LANCL1: variants seen among roughly 807,000 people sequenced by gnomAD.
LANCL1 encodes LanC like glutathione S-transferase 1, also known as glutathione S-transferase LANCL1.
Under a neutral mutation model 50.6 loss-of-function variants are expected in LANCL1, and 50 were observed. The observed-to-expected ratio is 0.99, with a 90% CI of 0.79 to 1.25. The LOEUF is 1.25. LANCL1 is among the 50% of genes most tolerant of loss of function. LANCL1 has a pLI of 0.00. For missense variants in LANCL1, 532 were observed against 480.7 expected (o/e 1.11, Z -1.00); for synonymous variants, 188 against 178.6 (o/e 1.05, Z -0.42).
chr2:210,437,682 C>A lies in LANCL1; in HGVS notation c.873+8G>T, dbSNP rs1420747124. 6.6e-7 allele frequency: 1 copy of A among 1,509,322 alleles called. No homozygotes were observed. Among genetic ancestry groups the A allele is most frequent in the South Asian group, 1.4e-5 (1 of 72,032 alleles). The allele number at this position is 1,509,322 out of a possible 1,614,324, so 93.5% of individuals were successfully genotyped here. ...TAAAAAAATTTATTTCAAAAATACA[C>A]ACAGTACCTTATAGGCCTGGATGAG... On this transcript the variant is annotated splice_region_variant and intron_variant, in intron 7 of 9. Transcript: ENST00000450366.
rs1693376586 is a variant in LANCL1, at chr2:210,447,390, A to T, written c.408-5947T>A. 2.0e-5 allele frequency among the ~76,000 whole-genome samples: 3 copies of T among 152,342 alleles called. No homozygotes were observed. In the South Asian group the frequency reaches 6.2e-4, roughly 32 times the overall value. On this transcript the variant is annotated intron_variant, in intron 4 of 9. Coordinates refer to ENST00000450366, the MANE Select transcript of LANCL1 (RefSeq NM_006055.3). ...TGGAAAGGAACAACTGGTACCAGCTACTGCAAAAACATACCAAATTGTAAA... is the reference window on the plus strand; with the variant it reads ...TGGAAAGGAACAACTGGTACCAGCTTCTGCAAAAACATACCAAATTGTAAA...
chr2:210,455,100 T>C lies in LANCL1; in HGVS notation c.407+7A>G, dbSNP rs2287432. ...AGAAAATAATCCTCATATAGAAACA[T>C]GATTACCGTGTGATGCAATCTTCTG... On this transcript the variant is annotated splice_region_variant and intron_variant, in intron 4 of 9. Coordinates refer to ENST00000450366, the MANE Select transcript of LANCL1 (RefSeq NM_006055.3). 0.59 allele frequency: 946,469 copies of C among 1,605,522 alleles called. 283,645 individuals are homozygous for C. The highest frequency in any genetic ancestry group is 0.82 in the East Asian group (36,725 of 44,822).
At chr2:210,451,067 A>G (rs1472243434) in intron 4 of LANCL1, among the ~76,000 whole-genome samples, 1 of 152,226 alleles carries the variant, frequency 6.6e-6, no homozygotes, top group Non-Finnish European at 1.5e-5. Flanking sequence ...TAGCAAAGAC[A>G]TGGAACCAAC....
chr2:210,473,202 C>T (rs1694271032), intron 2 of LANCL1, among the ~76,000 whole-genome samples: 1 of 152,020 alleles, frequency 6.6e-6, no homozygotes, highest in Non-Finnish European at 1.5e-5. Flanking sequence ...ATGGAGAAAC[C>T]CCATCTCTAC....
intron 3 of LANCL1, among the ~76,000 whole-genome samples, chr2:210,459,341 C>CTAGAAGAAAACA (rs1327336182): frequency 6.6e-6 from 1 of 151,562 alleles, no homozygotes; most frequent in Non-Finnish European, 1.5e-5. Flanking sequence ...TGTAAAACAA[C>CTAGAAGAAAACA]TAGAAGAAAA....
intron 5 of LANCL1, 77 bp from the exon 6 acceptor site, chr2:210,440,821 T>C: frequency 1.5e-6 from 2 of 1,339,708 alleles, no homozygotes; most frequent in South Asian, 2.8e-5. Flanking sequence ...ACTTTTTTGC[T>C]AAGAGGTACT....
Position 210,436,314 on chromosome 2 carries a change from C to T in LANCL1, c.952G>A (p.Gly318Arg). 1 of 1,614,050 alleles carries T rather than the reference C, an allele frequency of 6.2e-7. No individual in the cohort carries two copies. Reference sequence around the variant, plus strand: ...GCAGAACCGTGGCACAGCCCATATCCCTTCTTCAGCAACCCATATTGCCAG... The same window carrying T: ...GCAGAACCGTGGCACAGCCCATATCTCTTCTTCAGCAACCCATATTGCCAG... ...VIWQYGLLKK[G>R]YGLCHGSAGN... The change falls in exon 8 of 10, where the codon GGA becomes AGA. Residue 318 changes from glycine to arginine, a missense_variant. Transcript: ENST00000450366.
chr2:210,451,906 T>C (rs1693523138), intron 4 of LANCL1, among the ~76,000 whole-genome samples: 1 of 152,196 alleles, frequency 6.6e-6, no homozygotes, highest in South Asian at 2.1e-4. Context: ...TTGAAGACAC[T>C]ATGCTAAATG....
At chr2:210,458,387 A>G (rs1159527288) in intron 3 of LANCL1, among the ~76,000 whole-genome samples, 2 of 152,192 alleles carry the variant, frequency 1.3e-5, no homozygotes, top group Non-Finnish European at 2.9e-5. Context: ...TTGGAGTTTC[A>G]TTTGAAATGC....
chr2:210,466,627 T>C (rs939734606), intron 3 of LANCL1, among the ~76,000 whole-genome samples: 24 of 152,186 alleles, frequency 1.6e-4, no homozygotes, highest in African/African-American at 4.8e-4. Flanking sequence ...AGACCATGCT[T>C]GTGTCTCTAA....
At chr2:210,465,027 G>A (rs534765526) in intron 3 of LANCL1, among the ~76,000 whole-genome samples, 1 of 151,560 alleles carries the variant, frequency 6.6e-6, no homozygotes, top group East Asian at 1.9e-4. Context: ...GCCACCTGCA[G>A]TCAAGAGAGA....
chr2:210,440,767 A>C, intron 5 of LANCL1, 23 bp from the exon 6 acceptor site: 1 of 1,604,214 alleles, frequency 6.2e-7, no homozygotes, highest in East Asian at 2.2e-5. Flanking sequence ...AACCAACCAA[A>C]ATAACAAGTT....
intron 4 of LANCL1, among the ~76,000 whole-genome samples, chr2:210,444,266 T>A (rs571048638): frequency 3.9e-5 from 6 of 152,246 alleles, no homozygotes; most frequent in African/African-American, 1.4e-4. Flanking sequence ...AGGCTATAGA[T>A]ACAGTGAGTG....
In LANCL1 at chr2:210,476,385, C is replaced by A. The variant is rs1222988570; in HGVS notation, c.12G>T (p.Arg4Ser). 6.2e-7 allele frequency: 1 copy of A among 1,613,922 alleles called. No homozygotes were observed. Among genetic ancestry groups the A allele is most frequent in the Non-Finnish European group, 8.5e-7 (1 of 1,179,972 alleles). Residue 4 changes from arginine (R) to serine (S), a missense_variant, in exon 2 of 10, where the codon AGG (arginine) becomes AGT (serine). By Grantham distance (110) the Arg-to-Ser change is moderately radical. Transcript: ENST00000450366. ...AATCAGCATAAGGATTCGGGAAGGC[C>A]CTTTGAGCCATGACGCCGGAAGCAA... MAQ[R>S]AFPNPYADYN...
chr2:210,439,881 GC>G (rs1693070436), intron 6 of LANCL1, among the ~76,000 whole-genome samples: 1 of 152,122 alleles, frequency 6.6e-6, no homozygotes, highest in Non-Finnish European at 1.5e-5. Context: ...TACCTCTGCT[GC>G]CATTAAAAAT....
At chr2:210,464,417 T>C (rs1693971503) in intron 3 of LANCL1, among the ~76,000 whole-genome samples, 1 of 152,118 alleles carries the variant, frequency 6.6e-6, no homozygotes, top group Non-Finnish European at 1.5e-5. Flanking sequence ...GCAGTGGGCT[T>C]TTAAACAACA....
chr2:210,441,574 T>G, intron 4 of LANCL1, 131 bp from the exon 5 acceptor site: 1 of 639,844 alleles, frequency 1.6e-6, no homozygotes, highest in East Asian at 2.8e-5. Flanking sequence ...TATCTATTTA[T>G]AGAACAGTCA....
chr2:210,435,444 A>C lies in LANCL1; in HGVS notation c.1066T>G (p.Leu356Val). 6.2e-7 allele frequency: 1 copy of C among 1,613,414 alleles called. No individual in the cohort carries two copies. Among genetic ancestry groups the C allele is most frequent in the Non-Finnish European group, 8.5e-7 (1 of 1,179,416 alleles). Residue 356 changes from leucine to valine, a missense_variant, in exon 9 of 10, where the codon TTA becomes GTA. Physicochemically the swap from Leu to Val is conservative, Grantham distance 32. Transcript: ENST00000450366. Reference sequence around the variant, plus strand: ...CTGCATCCATGTTCTCCATACTCTAAGCACCATTCAGCAAACTGAAAATGA... The same window carrying C: ...CTGCATCCATGTTCTCCATACTCTACGCACCATTCAGCAAACTGAAAATGA... ...YRACKFAEWC[L>V]EYGEHGCRTP...
intron 3 of LANCL1, among the ~76,000 whole-genome samples, chr2:210,463,891 T>C (rs1693956186): frequency 6.6e-6 from 1 of 152,228 alleles, no homozygotes; most frequent in Admixed American, 6.5e-5. Context: ...AAAATTGCAC[T>C]ATGACAACTC....
Sources: gnomAD v4.1 joint callset for allele counts (sites outside exome capture counted in the v4.1 genomes callset) on GRCh38, gnomAD v4.1.1 for gene constraint, MANE v1.5 for transcripts, NCBI Gene and HGNC (gene_info 2026-07-23, HGNC 2026-07-21) for gene names.